Variants in USP37 observed in about 807,000 individuals in gnomAD.
The protein encoded by USP37 is ubiquitin specific peptidase 37, also known as ubiquitin carboxyl-terminal hydrolase 37.
A neutral mutation model predicts 124.0 loss-of-function variants in USP37; 27 were observed. The ratio of observed to expected loss-of-function variants is 0.22; its 90% CI spans 0.16 to 0.30. The LOEUF is 0.30. Among genes scored for constraint, USP37 ranks in the 10% least tolerant of loss-of-function variants. The pLI, the probability that USP37 is intolerant of heterozygous loss-of-function variation, is 1.00. For missense variants in USP37, 889 were observed against 1,140.4 expected (o/e 0.78, Z 3.17); for synonymous variants, 365 against 388.0 (o/e 0.94, Z 0.70).
chr2:218,468,236 C>T (rs532805127), intron 20 of USP37, among the ~76,000 whole-genome samples: 45 of 151,508 alleles, frequency 3.0e-4, no homozygotes, highest in African/African-American at 1.0e-3. Flanking sequence ...TGGAGTTTCG[C>T]TCTTGTTGCC....
intron 10 of USP37, among the ~76,000 whole-genome samples, chr2:218,522,038 C>CTTT (rs35206236): frequency 7.7e-5 from 9 of 116,792 alleles, no homozygotes; most frequent in African/African-American, 1.8e-4. Flanking sequence ...CCACACGTGG[C>CTTT]TTTTTTTTTT....
At chr2:218,477,174 A>G (rs555335092) in intron 18 of USP37, among the ~76,000 whole-genome samples, 193 bp from the exon 19 acceptor site, 3 of 152,354 alleles carry the variant, frequency 2.0e-5, no homozygotes, top group Admixed American at 2.0e-4. Context: ...AAAACTGGAC[A>G]ACTCTTATGC....
At chr2:218,514,986 C>T (rs678218) in intron 10 of USP37, among the ~76,000 whole-genome samples, 5 of 151,958 alleles carry the variant, frequency 3.3e-5, no homozygotes, top group African/African-American at 4.8e-5. Flanking sequence ...CTGTGTCTTT[C>T]GGACATTTCC....
At chr2:218,547,393 T>G (rs932859589) in intron 6 of USP37, among the ~76,000 whole-genome samples, 5 of 126,082 alleles carry the variant, frequency 4.0e-5, no homozygotes, top group Non-Finnish European at 6.6e-5. Context: ...TGATCTGCGG[T>G]AAGGCTCATT....
In USP37 at chr2:218,544,240, C is replaced by T. The variant is rs540918570; in HGVS notation, c.680+1981G>A. On this transcript the variant is annotated intron_variant, in intron 8 of 25. Transcript: ENST00000258399. ...ACTAAAAATACAAAAATTAGCTGGG[C>T]GTGGTGGCACACGCTTGTAGTCCAA... is the stretch of plus-strand genomic sequence containing the variant. 1.2e-3 allele frequency among the ~76,000 whole-genome samples: 174 copies of T among 151,010 alleles called. 1 individual carries two copies. Among genetic ancestry groups the T allele is most frequent in the African/African-American group, 4.1e-3 (168 of 41,008 alleles).
chr2:218,465,860 A>T (rs1348649241), intron 21 of USP37, 150 bp downstream of exon 21: 2 of 1,046,726 alleles, frequency 1.9e-6, no homozygotes, highest in Non-Finnish European at 2.7e-6. Flanking sequence ...CCTGCCTCAA[A>T]CAAGTCTTTT....
At chr2:218,468,215 A>ATTG (rs1690474001) in intron 20 of USP37, among the ~76,000 whole-genome samples, 1 of 150,724 alleles carries the variant, frequency 6.6e-6, no homozygotes, top group African/African-American at 2.4e-5. Context: ...TATTATTATT[A>ATTG]TTTTTTGAGA....
chr2:218,471,346 A>G (rs1002540951), intron 20 of USP37, among the ~76,000 whole-genome samples: 1 of 152,230 alleles, frequency 6.6e-6, no homozygotes. Flanking sequence ...GGCAACCAAA[A>G]TAGGGTAGAA....
At chr2:218,506,286 C>CTTTTTTTTTTTT (rs60620765) in intron 11 of USP37, among the ~76,000 whole-genome samples, 1 of 72,624 alleles carries the variant, frequency 1.4e-5, no homozygotes, top group African/African-American at 5.7e-5. Context: ...TTCTTTCTGG[C>CTTTTTTTTTTTT]TTTTTTTTTT....
chr2:218,526,325 A>G (rs1459725605), intron 10 of USP37, among the ~76,000 whole-genome samples: 1 of 151,876 alleles, frequency 6.6e-6, no homozygotes, highest in Admixed American at 6.6e-5. Flanking sequence ...TCTGCCTCCC[A>G]GGTTCAAGTG....
chr2:218,522,589 CTT>C (rs67852687), intron 10 of USP37, among the ~76,000 whole-genome samples: 1 of 140,338 alleles, frequency 7.1e-6, no homozygotes. Context: ...AGTTTAGATT[CTT>C]TTTTTTTTGT....
At chr2:218,469,466 T>C (rs1690551662) in intron 20 of USP37, among the ~76,000 whole-genome samples, 1 of 152,194 alleles carries the variant, frequency 6.6e-6, no homozygotes, top group Admixed American at 6.5e-5. Context: ...GGGGTTGATA[T>C]TGCTATTTTA....
intron 18 of USP37, among the ~76,000 whole-genome samples, chr2:218,478,421 T>C (rs1038064654): frequency 6.6e-6 from 1 of 152,208 alleles, no homozygotes; most frequent in Non-Finnish European, 1.5e-5. Context: ...CTGGCTACCA[T>C]TGCACCAGGG....
chr2:218,556,732 C>T (rs1239632111), intron 4 of USP37, among the ~76,000 whole-genome samples: 1 of 151,262 alleles, frequency 6.6e-6, no homozygotes, highest in Non-Finnish European at 1.5e-5. Context: ...AGGCTGGTCT[C>T]GAACTCCTGA....
rs368024199 is a variant in USP37, at chr2:218,510,094, A to G, written c.910T>C (p.Phe304Leu). 1.8e-5 allele frequency: 29 copies of G among 1,612,938 alleles called. No homozygotes were observed. The highest frequency in any genetic ancestry group is 2.3e-5 in the Non-Finnish European group (27 of 1,179,846). ...QTPSAKRSLGFLPQPVPLSVK... is the reference protein window; with the variant it reads ...QTPSAKRSLGLLPQPVPLSVK... ...GAAAGAGGAACTGGCTGAGGAAGAA[A>G]TCCCAAACTTCTTTTGGCAGAGGGA... is the stretch of plus-strand genomic sequence containing the variant. The change falls in exon 11 of 26, where the codon TTT (phenylalanine) becomes CTT (leucine). Residue 304 changes from phenylalanine to leucine, a missense_variant. This residue lies in a region of USP37 where 374 missense variants were observed against 386.0 expected (regional missense o/e 0.97). Coordinates refer to ENST00000258399, the MANE Select transcript of USP37 (RefSeq NM_020935.3).
At chr2:218,524,439 G>A (rs1465976855) in intron 10 of USP37, among the ~76,000 whole-genome samples, 4 of 152,062 alleles carry the variant, frequency 2.6e-5, no homozygotes, top group Non-Finnish European at 5.9e-5. Context: ...TGTAATTGCA[G>A]CCTCCTCTGA....
At chr2:218,506,726 C>T (rs1333148252) in intron 11 of USP37, among the ~76,000 whole-genome samples, 1 of 146,934 alleles carries the variant, frequency 6.8e-6, no homozygotes, top group Non-Finnish European at 1.5e-5. Context: ...GTCTTTTCTT[C>T]TCCATCTTTT....
chr2:218,557,160 C>A (rs1259674340), intron 4 of USP37, among the ~76,000 whole-genome samples: 1 of 152,176 alleles, frequency 6.6e-6, no homozygotes, highest in Non-Finnish European at 1.5e-5. Flanking sequence ...TGAGCCACTG[C>A]GCCCAGCCAT....
chr2:218,480,332 G>A (rs1188720299), intron 17 of USP37, among the ~76,000 whole-genome samples: 2 of 147,900 alleles, frequency 1.4e-5, no homozygotes, highest in Non-Finnish European at 1.5e-5. Context: ...GCCGGGAGGC[G>A]CAGCTTGCAG....
Sources: gnomAD v4.1 joint callset for allele counts (sites outside exome capture counted in the v4.1 genomes callset) on GRCh38, gnomAD v4.1.1 for gene constraint, gnomAD v4.1.1 regional missense constraint, MANE v1.5 for transcripts, NCBI Gene and HGNC (gene_info 2026-07-23, HGNC 2026-07-21) for gene names.